Variants in PIBF1 observed in about 807,000 individuals in gnomAD.
The protein encoded by PIBF1 is progesterone immunomodulatory binding factor 1, also known as progesterone-induced-blocking factor 1.
Under a neutral mutation model 112.5 loss-of-function variants are expected in PIBF1, and 90 were observed. The ratio of observed to expected loss-of-function variants is 0.80; its 90% CI spans 0.67 to 0.95. PIBF1 has a LOEUF of 0.95. Ranked by LOEUF, PIBF1 falls within the 40% of genes least tolerant of loss-of-function variation. The probability of loss-of-function intolerance (pLI) is 0.00; values close to 1 mark genes in which losing one functional copy is unlikely to be tolerated. For synonymous variants in PIBF1, 301 were observed against 288.6 expected (o/e 1.04, Z -0.44); for missense variants, 915 against 852.3 (o/e 1.07, Z -0.92).
chr13:72,858,729 A>T (rs532706944), intron 10 of PIBF1, among the ~76,000 whole-genome samples: 2 of 152,292 alleles, frequency 1.3e-5, no homozygotes, highest in African/African-American at 4.8e-5. Context: ...TTTTAATTAA[A>T]TTTAAACAAA....
intron 15 of PIBF1, among the ~76,000 whole-genome samples, chr13:72,972,920 T>G (rs1465668050): frequency 6.6e-6 from 1 of 152,246 alleles, no homozygotes; most frequent in Non-Finnish European, 1.5e-5. Context: ...GTTTTAAGGA[T>G]GTTTTAATTT....
At chr13:72,985,807 T>C (rs1343891406) in intron 16 of PIBF1, among the ~76,000 whole-genome samples, 1 of 152,036 alleles carries the variant, frequency 6.6e-6, no homozygotes, top group African/African-American at 2.4e-5. Flanking sequence ...AAGTTGATGC[T>C]GAAAATCAAC....
chr13:72,810,391 C>G (rs1397175526), intron 5 of PIBF1, among the ~76,000 whole-genome samples: 1 of 152,122 alleles, frequency 6.6e-6, no homozygotes, highest in Non-Finnish European at 1.5e-5. Context: ...ATATTTTTCT[C>G]TTATGAGAAC....
At chr13:72,909,317 A>G (rs2040816942) in intron 12 of PIBF1, among the ~76,000 whole-genome samples, 1 of 152,178 alleles carries the variant, frequency 6.6e-6, no homozygotes, top group Non-Finnish European at 1.5e-5. Context: ...AGGGGTTTCT[A>G]ATCTACTGAG....
chr13:72,807,178 CA>C (rs35154761), intron 5 of PIBF1, among the ~76,000 whole-genome samples: 64,384 of 138,394 alleles, frequency 0.47, 14,854 homozygotes, highest in Admixed American at 0.59. Context: ...GGATAAGAGC[CA>C]AAAAAAAAAA....
intron 9 of PIBF1, among the ~76,000 whole-genome samples, chr13:72,847,014 C>G (rs2037906100): frequency 6.6e-6 from 1 of 152,116 alleles, no homozygotes; most frequent in African/African-American, 2.4e-5. Context: ...TGGATTTGAT[C>G]AGGACTGAGT....
Position 72,949,357 on chromosome 13 carries a change from C to T in PIBF1, c.1834-15917C>T, listed in dbSNP as rs2042237713. On this transcript the variant is annotated intron_variant, in intron 14 of 17. Coordinates refer to ENST00000326291, the MANE Select transcript of PIBF1 (RefSeq NM_006346.4). ...TTGAGACAGAGTCTCGCTCTGTCAG[C>T]CAGGCTAGAGTGCACTGGCACAATC... is the stretch of plus-strand genomic sequence containing the variant. Among the ~76,000 whole-genome samples the T allele has an allele frequency of 3.3e-5, 4 of 122,046 alleles. No individual in the cohort carries two copies. In the South Asian group the frequency reaches 1.1e-3, roughly 33 times the overall value. The allele number at this position is 122,046 out of a possible 152,430, so 80.1% of individuals were successfully genotyped here.
intron 11 of PIBF1, among the ~76,000 whole-genome samples, chr13:72,904,088 A>T (rs535573214): frequency 6.8e-6 from 1 of 146,426 alleles, no homozygotes; most frequent in African/African-American, 2.8e-5. Flanking sequence ...TTTGTTGGGT[A>T]AAAGATTTTT....
At chr13:72,900,986 C>T (rs1189639173) in intron 11 of PIBF1, 14 of 384,178 alleles carry the variant, frequency 3.6e-5, no homozygotes, top group Admixed American at 9.6e-5. Flanking sequence ...TGCGCCATTC[C>T]GCTGCACCCT....
chr13:72,792,760 A>G (rs1200316521), intron 3 of PIBF1, among the ~76,000 whole-genome samples: 1 of 152,242 alleles, frequency 6.6e-6, no homozygotes, highest in Non-Finnish European at 1.5e-5. Flanking sequence ...TTCAACAAAC[A>G]TTGGTCAGTG....
chr13:72,903,704 G>A (rs1281751147), intron 11 of PIBF1, among the ~76,000 whole-genome samples: 1 of 152,016 alleles, frequency 6.6e-6, no homozygotes, highest in Non-Finnish European at 1.5e-5. Flanking sequence ...TTACTATTAG[G>A]CAGTGGTAGG....
chr13:72,924,584 C>T (rs2875642), intron 13 of PIBF1, among the ~76,000 whole-genome samples: 117,905 of 152,030 alleles, frequency 0.78, 46,041 homozygotes, highest in South Asian at 0.85. Context: ...GAGCCAATCA[C>T]CCTAATGCAC....
At chr13:72,803,890 C>T (rs1779530514) in intron 5 of PIBF1, among the ~76,000 whole-genome samples, 1 of 152,158 alleles carries the variant, frequency 6.6e-6, no homozygotes. Flanking sequence ...TAAAACTAAT[C>T]ACAAACCCCT....
rs1309730833 is a variant in PIBF1 at position 72,930,235 on chromosome 13, T to G, written c.1731-930T>G. ...AAATATTAAAATACAATAGAATTTT[T>G]TCTGCCCTATGATTTTATTTAAAGC... On this transcript the variant is annotated intron_variant, in intron 13 of 17. Coordinates refer to ENST00000326291, the MANE Select transcript of PIBF1 (RefSeq NM_006346.4). 3.3e-5 allele frequency among the ~76,000 whole-genome samples: 5 copies of G among 152,322 alleles called. No homozygotes were observed. In the South Asian group the frequency reaches 1.0e-3, roughly 32 times the overall value.
At chr13:72,953,019 A>C (rs1594260997) in intron 14 of PIBF1, among the ~76,000 whole-genome samples, 1 of 152,150 alleles carries the variant, frequency 6.6e-6, no homozygotes, top group East Asian at 1.9e-4. Flanking sequence ...CTTAATAGTG[A>C]GCAGAGCTCC....
At chr13:72,873,029 T>A (rs1339049861) in intron 10 of PIBF1, among the ~76,000 whole-genome samples, 1 of 152,196 alleles carries the variant, frequency 6.6e-6, no homozygotes, top group Non-Finnish European at 1.5e-5. Flanking sequence ...CCAAACCGAC[T>A]TACAGAGTCA....
At chr13:72,816,623 T>C (rs1472545442) in intron 5 of PIBF1, among the ~76,000 whole-genome samples, 1 of 149,056 alleles carries the variant, frequency 6.7e-6, no homozygotes, top group Non-Finnish European at 1.5e-5. Context: ...ATTGCACCAC[T>C]GCACTCCAGC....
chr13:73,004,674 A>G (rs1245999509), intron 17 of PIBF1, among the ~76,000 whole-genome samples: 1 of 152,106 alleles, frequency 6.6e-6, no homozygotes, highest in Non-Finnish European at 1.5e-5. Flanking sequence ...ATCCTTTCCC[A>G]TAGTACAAAA....
At chr13:72,798,594 G>A (rs911155647) in intron 5 of PIBF1, among the ~76,000 whole-genome samples, 3 of 152,090 alleles carry the variant, frequency 2.0e-5, no homozygotes, top group Non-Finnish European at 4.4e-5. Context: ...CAGCCTAGAC[G>A]ATGAATATAG....
Sources: gnomAD v4.1 joint callset for allele counts (sites outside exome capture counted in the v4.1 genomes callset) on GRCh38, gnomAD v4.1.1 for gene constraint, MANE v1.5 for transcripts, NCBI Gene and HGNC (gene_info 2026-07-23, HGNC 2026-07-21) for gene names.